Variants in FHIT observed in about 807,000 individuals in gnomAD.
The protein encoded by FHIT is fragile histidine triad diadenosine triphosphatase, also known as bis(5'-adenosyl)-triphosphatase.
A neutral mutation model predicts 17.9 loss-of-function variants in FHIT; 19 were observed. That is an observed-to-expected ratio of 1.06 (90% CI 0.74 to 1.56). The LOEUF (loss-of-function observed/expected upper bound fraction) is 1.56. Among genes scored for constraint, FHIT ranks in the 40% most tolerant of loss-of-function variants. FHIT has a pLI of 0.00. For missense variants in FHIT, 248 were observed against 189.2 expected (o/e 1.31, Z -1.82); for synonymous variants, 81 against 69.7 (o/e 1.16, Z -0.81).
Position 61,185,586 on chromosome 3 carries a change from T to C in FHIT, c.-164+15031A>G, listed in dbSNP as rs560336389. Among the ~76,000 whole-genome samples the C allele has an allele frequency of 8.9e-4, 135 of 152,318 alleles. 1 individual carries two copies. In the Middle Eastern group the frequency reaches 0.01, roughly 12 times the overall value. On this transcript the variant is annotated intron_variant, in intron 2 of 9. Coordinates refer to ENST00000492590, the MANE Select transcript of FHIT (RefSeq NM_002012.4). ...CAGCAGCAGAGGTGCTTTTCAAATC[T>C]GTACATCCACTTCGGTACTTTCTAT... is the stretch of plus-strand genomic sequence containing the variant.
At chr3:60,791,682 C>T (rs1317397590) in intron 4 of FHIT, among the ~76,000 whole-genome samples, 2 of 152,152 alleles carry the variant, frequency 1.3e-5, no homozygotes, top group African/African-American at 4.8e-5. Flanking sequence ...ACCCAGCACC[C>T]AACTTGATGA....
chr3:60,576,457 T>C (rs981628551), intron 4 of FHIT, among the ~76,000 whole-genome samples: 1 of 152,062 alleles, frequency 6.6e-6, no homozygotes, highest in Non-Finnish European at 1.5e-5. Flanking sequence ...TAGGATTCAA[T>C]AACACGTAAT....
chr3:60,169,776 A>C (rs964313131), intron 5 of FHIT, among the ~76,000 whole-genome samples: 5 of 152,162 alleles, frequency 3.3e-5, no homozygotes, highest in African/African-American at 1.2e-4. Context: ...TGTTAGAAGA[A>C]CTTGGATCTC....
chr3:60,867,515 G>C (rs1302778893), intron 3 of FHIT, among the ~76,000 whole-genome samples: 3 of 152,256 alleles, frequency 2.0e-5, no homozygotes, highest in East Asian at 1.9e-4. Flanking sequence ...AAAGTCTTCA[G>C]AAGGTTTAAC....
At chr3:61,222,410 A>G (rs1255311990) in intron 1 of FHIT, among the ~76,000 whole-genome samples, 1 of 152,214 alleles carries the variant, frequency 6.6e-6, no homozygotes, top group East Asian at 1.9e-4. Context: ...ATATTGGTAG[A>G]GAATGGCGGT....
chr3:60,476,155 C>A (rs1488136745), intron 5 of FHIT, among the ~76,000 whole-genome samples: 4 of 152,146 alleles, frequency 2.6e-5, no homozygotes, highest in Non-Finnish European at 5.9e-5. Context: ...AGATATGCAC[C>A]ATTTGCAAAG....
chr3:61,241,410 G>A (rs2106921987), intron 1 of FHIT, among the ~76,000 whole-genome samples: 1 of 152,310 alleles, frequency 6.6e-6, no homozygotes, highest in African/African-American at 2.4e-5. Context: ...AAAGGCAGCA[G>A]TGAGTTTTGT....
At chr3:60,000,707 A>T (rs1046083707) in intron 7 of FHIT, among the ~76,000 whole-genome samples, 1 of 152,126 alleles carries the variant, frequency 6.6e-6, no homozygotes, top group Non-Finnish European at 1.5e-5. Flanking sequence ...ACAATTTAGG[A>T]AACCTATCAT....
intron 5 of FHIT, among the ~76,000 whole-genome samples, chr3:60,108,415 C>A (rs183355434): frequency 6.6e-6 from 1 of 152,208 alleles, no homozygotes; most frequent in African/African-American, 2.4e-5. Context: ...GGTTCATTGT[C>A]CAGTTTTTCT....
intron 7 of FHIT, among the ~76,000 whole-genome samples, chr3:59,931,335 C>G (rs745561278): frequency 3.3e-5 from 5 of 152,118 alleles, no homozygotes; most frequent in Non-Finnish European, 5.9e-5. Flanking sequence ...TTGGGGAGGC[C>G]TCATCTTCTG....
intron 5 of FHIT, among the ~76,000 whole-genome samples, chr3:60,528,977 T>C (rs2035672742): frequency 6.6e-6 from 1 of 152,166 alleles, no homozygotes; most frequent in Non-Finnish European, 1.5e-5. Flanking sequence ...TCCACCCATA[T>C]CCTGACCCCC....
intron 4 of FHIT, among the ~76,000 whole-genome samples, chr3:60,745,417 G>C (rs2042336538): frequency 6.6e-6 from 1 of 152,222 alleles, no homozygotes; most frequent in East Asian, 1.9e-4. Context: ...GATGAAGATG[G>C]AGAGTTGGTA....
chr3:60,633,692 A>G (rs2039505506), intron 4 of FHIT, among the ~76,000 whole-genome samples: 1 of 152,196 alleles, frequency 6.6e-6, no homozygotes, highest in African/African-American at 2.4e-5. Context: ...AGCTGTTAGG[A>G]AATGCTAGCT....
In FHIT at chr3:59,820,756, G is replaced by C. The variant is rs115257496; in HGVS notation, c.349-68435C>G. ...GATCCCTATGGTCACACAGAGGGTG[G>C]GGAAGGAAGACAATTTAGAGTGGTG... On this transcript the variant is annotated intron_variant, in intron 8 of 9. Coordinates refer to ENST00000492590, the MANE Select transcript of FHIT (RefSeq NM_002012.4). Among the ~76,000 whole-genome samples the C allele has an allele frequency of 2.2e-3, 341 of 152,284 alleles. 2 individuals are homozygous for C. The highest frequency in any genetic ancestry group is 8.0e-3 in the African/African-American group (332 of 41,554).
intron 5 of FHIT, among the ~76,000 whole-genome samples, chr3:60,459,472 G>A (rs911421821): frequency 1.3e-5 from 2 of 152,162 alleles, no homozygotes; most frequent in East Asian, 3.9e-4. Flanking sequence ...GCACCTCTTT[G>A]AGTTTCAATG....
At chr3:60,064,818 C>G (rs745990779) in intron 5 of FHIT, among the ~76,000 whole-genome samples, 1 of 152,220 alleles carries the variant, frequency 6.6e-6, no homozygotes, top group Non-Finnish European at 1.5e-5. Context: ...AATACACTGA[C>G]ACATGCTGTG....
intron 7 of FHIT, among the ~76,000 whole-genome samples, chr3:59,959,361 G>A (rs564575033): frequency 6.6e-6 from 1 of 152,310 alleles, no homozygotes; most frequent in South Asian, 2.1e-4. Flanking sequence ...CTACCCCTAT[G>A]AGACATGATT....
At chr3:61,081,775 T>C (rs1200874307) in intron 2 of FHIT, among the ~76,000 whole-genome samples, 1 of 152,208 alleles carries the variant, frequency 6.6e-6, no homozygotes, top group Non-Finnish European at 1.5e-5. Flanking sequence ...TCTTAACTAA[T>C]TACATCTGTA....
chr3:61,023,949 C>A (rs1477559481), intron 3 of FHIT, among the ~76,000 whole-genome samples: 3 of 152,112 alleles, frequency 2.0e-5, no homozygotes, highest in Non-Finnish European at 4.4e-5. Flanking sequence ...GCAAAGACTT[C>A]ATGACTAAAA....
Sources: allele counts gnomAD v4.1 joint callset (sites outside exome capture counted in the v4.1 genomes callset), GRCh38; gene constraint gnomAD v4.1.1; transcripts MANE v1.5; gene names NCBI Gene and HGNC (gene_info 2026-07-23, HGNC 2026-07-21).